AP2B1: variants seen among roughly 807,000 people sequenced by gnomAD.
The protein encoded by AP2B1 is adaptor related protein complex 2 subunit beta 1.
A neutral mutation model predicts 102.0 loss-of-function variants in AP2B1; 23 were observed. The ratio of observed to expected loss-of-function variants is 0.23; its 90% CI spans 0.16 to 0.32. The LOEUF (loss-of-function observed/expected upper bound fraction) is 0.32. Among genes scored for constraint, AP2B1 ranks in the 10% least tolerant of loss-of-function variants. The pLI is 1.00. For missense variants in AP2B1, 541 were observed against 1,157.4 expected (o/e 0.47, Z 7.73); for synonymous variants, 381 against 421.2 (o/e 0.90, Z 1.17).
chr17:35,631,443 A>G (rs1439982642), intron 9 of AP2B1, among the ~76,000 whole-genome samples: 1 of 152,202 alleles, frequency 6.6e-6, no homozygotes, highest in East Asian at 1.9e-4. Context: ...TGCAGTGGAC[A>G]TAATCTGGTA....
At chr17:35,639,866 T>A in intron 11 of AP2B1, 106 bp downstream of exon 11, 1 of 998,214 alleles carries the variant, frequency 1.0e-6, no homozygotes, top group Non-Finnish European at 1.5e-6. Context: ...TATTTACATA[T>A]AGTATGTTCA....
chr17:35,619,170 C>T (rs1028836614), intron 5 of AP2B1, among the ~76,000 whole-genome samples: 1 of 152,180 alleles, frequency 6.6e-6, no homozygotes, highest in Admixed American at 6.5e-5. Context: ...AGTCACTGAA[C>T]TTCTCTAAGT....
At chr17:35,654,677 C>T (rs11651380) in intron 13 of AP2B1, among the ~76,000 whole-genome samples, 1 of 152,014 alleles carries the variant, frequency 6.6e-6, no homozygotes, top group African/African-American at 2.4e-5. Context: ...AGCAGGCTAA[C>T]CTACTTTCAT....
chr17:35,627,245 C>CTT (rs569701571), intron 7 of AP2B1, 140 bp from the exon 8 acceptor site: 41,427 of 178,282 alleles, frequency 0.23, 13,509 homozygotes, highest in African/African-American at 0.45. Context: ...GAAGTTTATG[C>CTT]TTTTTTTTTT....
At chr17:35,612,737 A>G (rs527461898) in intron 5 of AP2B1, among the ~76,000 whole-genome samples, 1 of 152,276 alleles carries the variant, frequency 6.6e-6, no homozygotes, top group South Asian at 2.1e-4. Flanking sequence ...TCTGAGTCCC[A>G]GACTCCATTG....
intron 10 of AP2B1, among the ~76,000 whole-genome samples, chr17:35,638,136 G>A (rs531454402): frequency 6.6e-6 from 1 of 152,240 alleles, no homozygotes; most frequent in East Asian, 1.9e-4. Flanking sequence ...CACTGTGCCC[G>A]ACATTTAAAC....
intron 18 of AP2B1, among the ~76,000 whole-genome samples, chr17:35,684,422 G>C (rs2075888647): frequency 6.6e-6 from 1 of 152,210 alleles, no homozygotes; most frequent in Non-Finnish European, 1.5e-5. Flanking sequence ...TTGATGGTGA[G>C]ACGTCAATAG....
At chr17:35,696,798 A>T (rs964414327) in intron 18 of AP2B1, among the ~76,000 whole-genome samples, 1 of 152,170 alleles carries the variant, frequency 6.6e-6, no homozygotes, top group Non-Finnish European at 1.5e-5. Context: ...CTACTTAATT[A>T]TTTATTACCA....
intron 11 of AP2B1, among the ~76,000 whole-genome samples, chr17:35,641,340 A>G (rs767339687): frequency 1.9e-4 from 29 of 152,248 alleles, no homozygotes; most frequent in Non-Finnish European, 3.7e-4. Flanking sequence ...TGGAAGGCTG[A>G]TGCGGGAGAA....
chr17:35,639,748 T>C lies in AP2B1; in HGVS notation c.1425T>C (p.Asp475=). 6.2e-7 allele frequency: 1 copy of C among 1,613,848 alleles called. No individual in the cohort carries two copies. The highest frequency in any genetic ancestry group is 8.5e-7 in the Non-Finnish European group (1 of 1,179,864). Residue 475 remains aspartate, a synonymous_variant, in exon 11 of 22, where the codon GAT becomes GAC. Transcript: ENST00000610402. Reference sequence around the variant, plus strand: ...AAAGCTTCCTGGAGGGTTTTCACGATGAAAGCACCCAGGTAAGTTCTTGTC... The same window carrying C: ...AAAGCTTCCTGGAGGGTTTTCACGACGAAAGCACCCAGGTAAGTTCTTGTC... ...LLESFLEGFH[D]ESTQVQLTLL...
intron 2 of AP2B1, chr17:35,596,807 C>T: frequency 3.1e-6 from 2 of 636,114 alleles, no homozygotes; most frequent in South Asian, 2.9e-5. Flanking sequence ...TGGGCCCCCG[C>T]AGCGCTGCCA....
intron 18 of AP2B1, among the ~76,000 whole-genome samples, chr17:35,683,262 G>T (rs1048993214): frequency 1.5e-4 from 23 of 152,142 alleles, no homozygotes; most frequent in Non-Finnish European, 5.9e-5. Flanking sequence ...ATAAATCTTT[G>T]TGGACGAGAG....
At chr17:35,599,510 A>C (rs892385578) in intron 3 of AP2B1, among the ~76,000 whole-genome samples, 1 of 152,242 alleles carries the variant, frequency 6.6e-6, no homozygotes, top group African/African-American at 2.4e-5. Context: ...GCTGTTTTAT[A>C]ATGAAATGTG....
At position 35,627,388 on chromosome 17, in the gene AP2B1, T is replaced by A; in HGVS notation, c.942T>A (p.Pro314=). Residue 314 remains proline (P), a synonymous_variant, in exon 8 of 22, where the codon CCT becomes CCA. Transcript: ENST00000610402. ...CTTCTGTTTCTGTGTACCCTAGGCC[T>A]GAAATCTTGAAGCAGGAAATCAAAG... ...RNINLIVQKR[P]EILKQEIKVF... 1.9e-6 allele frequency: 3 copies of A among 1,612,790 alleles called. No homozygotes were observed.
chr17:35,668,485 G>C (rs1348080610), intron 14 of AP2B1, among the ~76,000 whole-genome samples: 1 of 152,140 alleles, frequency 6.6e-6, no homozygotes, highest in Non-Finnish European at 1.5e-5. Context: ...CCCACACACA[G>C]ATGGTTGATT....
At chr17:35,605,618 TGTTA>T (rs940295430) in intron 3 of AP2B1, 83 bp from the exon 4 acceptor site, 113 of 882,560 alleles carry the variant, frequency 1.3e-4, no homozygotes, top group Non-Finnish European at 3.0e-5. Context: ...ATCAAATCAC[TGTTA>T]GTTAAGGCTA....
chr17:35,714,558 TA>T (rs781787531), intron 20 of AP2B1, among the ~76,000 whole-genome samples: 8 of 152,098 alleles, frequency 5.3e-5, no homozygotes, highest in Non-Finnish European at 1.0e-4. Context: ...TAAGAAATCT[TA>T]TATTGGCTGG....
intron 14 of AP2B1, chr17:35,659,961 G>A: frequency 3.0e-6 from 3 of 985,438 alleles, no homozygotes; most frequent in Non-Finnish European, 3.6e-6. Flanking sequence ...CTGTGTGGAA[G>A]AAGATGAGTT....
chr17:35,650,019 G>A (rs745341930), intron 12 of AP2B1, among the ~76,000 whole-genome samples: 5 of 151,834 alleles, frequency 3.3e-5, no homozygotes, highest in Non-Finnish European at 7.4e-5. Context: ...GCGTGATCTC[G>A]GCTCACTGCG....
Sources: allele counts gnomAD v4.1 joint callset (sites outside exome capture counted in the v4.1 genomes callset), GRCh38; gene constraint gnomAD v4.1.1; transcripts MANE v1.5; gene names NCBI Gene and HGNC (gene_info 2026-07-23, HGNC 2026-07-21).